Variants in FRMD6 observed in about 807,000 individuals in gnomAD.
FRMD6 encodes FERM domain-containing protein 6.
Under a neutral mutation model 73.2 loss-of-function variants are expected in FRMD6, and 37 were observed. That is an observed-to-expected ratio of 0.51 (90% CI 0.39 to 0.66). The LOEUF (loss-of-function observed/expected upper bound fraction) is 0.66, where lower values mean the gene tolerates loss of function less well. FRMD6 is among the 30% of genes least tolerant of loss of function. The probability of loss-of-function intolerance (pLI) is 0.00; values close to 1 mark genes in which losing one functional copy is unlikely to be tolerated. For missense variants in FRMD6, 714 were observed against 780.5 expected (o/e 0.91, Z 1.02); for synonymous variants, 273 against 282.2 (o/e 0.97, Z 0.33).
intron 4 of FRMD6, 49 bp downstream of exon 4, chr14:51,701,208 GT>G: frequency 8.8e-7 from 1 of 1,130,364 alleles, no homozygotes; most frequent in Non-Finnish European, 1.3e-6. Flanking sequence ...TTTAAAAAAT[GT>G]TTATTTTAGC....
chr14:51,508,073 G>A (rs554099273), intron 1 of FRMD6, among the ~76,000 whole-genome samples: 1 of 152,256 alleles, frequency 6.6e-6, no homozygotes, highest in East Asian at 1.9e-4. Flanking sequence ...CCTGCAGCCA[G>A]CTACTCCCCT....
chr14:51,511,806 C>A (rs1396021763), intron 1 of FRMD6, among the ~76,000 whole-genome samples: 1 of 151,836 alleles, frequency 6.6e-6, no homozygotes, highest in Non-Finnish European at 1.5e-5. Flanking sequence ...AGCAAACCAC[C>A]ATGGCATGTG....
At chr14:51,664,556 G>A (rs1893440481) in intron 1 of FRMD6, among the ~76,000 whole-genome samples, 1 of 152,188 alleles carries the variant, frequency 6.6e-6, no homozygotes, top group Non-Finnish European at 1.5e-5. Context: ...TGAAAACTTT[G>A]TTACATATAT....
At chr14:51,721,748 G>GGGAAGGAAGGA (rs1566598446) in intron 11 of FRMD6, among the ~76,000 whole-genome samples, 74 of 18,784 alleles carry the variant, frequency 3.9e-3, no homozygotes, top group Middle Eastern at 0.028. Flanking sequence ...GGAAGGAAGG[G>GGGAAGGAAGGA]AGGAAGGAAG....
At chr14:51,707,660 A>T (rs4420443) in intron 6 of FRMD6, among the ~76,000 whole-genome samples, 106,387 of 152,038 alleles carry the variant, frequency 0.7, 37,411 homozygotes, top group Non-Finnish European at 0.71. Flanking sequence ...TCTGTGGCTG[A>T]AATTTTCTTA....
the FRMD6 span, among the ~76,000 whole-genome samples, chr14:51,443,309 A>G: frequency 6.6e-6 from 1 of 152,204 alleles, no homozygotes; most frequent in African/African-American, 2.4e-5. Flanking sequence ...GAACTTGAAA[A>G]AGTCCAAGAT....
At chr14:51,477,726 CT>C in the FRMD6 span, among the ~76,000 whole-genome samples, 15 of 119,748 alleles carry the variant, frequency 1.3e-4, no homozygotes, top group Admixed American at 4.2e-4. Context: ...TTCTTTCTTT[CT>C]TTTCTTTTTC....
At position 51,663,068 on chromosome 14, in the gene FRMD6, T is replaced by G. The variant is rs955563946; in HGVS notation, c.-147+11072T>G. ...AAAGCAAATCAAAACCACAGCGAGA[T>G]ACCATCTCACACCAGTCAGAATGGC... On this transcript the variant is annotated intron_variant, in intron 1 of 13. Transcript: ENST00000344768. 2.0e-5 allele frequency among the ~76,000 whole-genome samples: 3 copies of G among 152,134 alleles called. No homozygotes were observed. In the East Asian group the frequency reaches 5.8e-4, roughly 29 times the overall value.
At chr14:51,583,238 A>C (rs1483585228) in intron 2 of FRMD6, among the ~76,000 whole-genome samples, 1 of 152,132 alleles carries the variant, frequency 6.6e-6, no homozygotes, top group Non-Finnish European at 1.5e-5. Flanking sequence ...TGCCGAACTA[A>C]AATGGTTTAA....
At chr14:51,564,764 T>C (rs994167240) in intron 1 of FRMD6, among the ~76,000 whole-genome samples, 6 of 152,342 alleles carry the variant, frequency 3.9e-5, no homozygotes, top group African/African-American at 1.4e-4. Context: ...TTCACTTACA[T>C]GTAGGAGCTC....
chr14:51,426,140 T>A, the FRMD6 span, among the ~76,000 whole-genome samples: 23 of 152,220 alleles, frequency 1.5e-4, no homozygotes, highest in African/African-American at 4.1e-4. Context: ...TTCCCCCTGT[T>A]GTCTCTGTCA....
intron 2 of FRMD6, chr14:51,599,679 A>C (rs1889924722): frequency 6.6e-6 from 1 of 152,108 alleles, no homozygotes; most frequent in Admixed American, 6.6e-5. Flanking sequence ...AAAAGTGGGC[A>C]AAAGACACAA....
Position 51,611,983 on chromosome 14 carries a change from A to T in FRMD6, c.-147+41573A>T, listed in dbSNP as rs979789811. Among the ~76,000 whole-genome samples, 63 of 152,348 alleles carry T rather than the reference A, an allele frequency of 4.1e-4. 1 individual carries two copies. The highest frequency in any genetic ancestry group is 3.3e-3 in the Admixed American group (50 of 15,300). ...CACAAATATGTCAAAGAAAAACTGC[A>T]TAGAGAAAACTGGGAAGAATTATAT... On this transcript the variant is annotated intron_variant, in intron 2 of 14. Coordinates refer to the FRMD6 transcript ENST00000356218.
At chr14:51,512,842 G>A (rs560739489) in intron 1 of FRMD6, among the ~76,000 whole-genome samples, 70 of 152,172 alleles carry the variant, frequency 4.6e-4, no homozygotes, top group Non-Finnish European at 9.1e-4. Context: ...AGATCTTGAC[G>A]TGGAAGGGGC....
At chr14:51,543,563 A>G (rs1306248948) in intron 1 of FRMD6, among the ~76,000 whole-genome samples, 1 of 152,000 alleles carries the variant, frequency 6.6e-6, no homozygotes, top group Non-Finnish European at 1.5e-5. Flanking sequence ...ATGCTTGATA[A>G]TATGCCAAGC....
chr14:51,602,114 T>C (rs1890063443), intron 2 of FRMD6, among the ~76,000 whole-genome samples: 1 of 152,226 alleles, frequency 6.6e-6, no homozygotes, highest in African/African-American at 2.4e-5. Flanking sequence ...TGATCCCCAC[T>C]AATCACTCTT....
At chr14:51,444,418 G>A in the FRMD6 span, among the ~76,000 whole-genome samples, 1 of 152,180 alleles carries the variant, frequency 6.6e-6, no homozygotes, top group Non-Finnish European at 1.5e-5. Context: ...GTTTGTACAG[G>A]GTTGCCATGA....
At chr14:51,574,302 A>C (rs1327086057) in intron 2 of FRMD6, among the ~76,000 whole-genome samples, 1 of 152,200 alleles carries the variant, frequency 6.6e-6, no homozygotes, top group Non-Finnish European at 1.5e-5. Context: ...ATGGTTTTCC[A>C]AGCATAGATC....
At chr14:51,453,682 C>T in the FRMD6 span, among the ~76,000 whole-genome samples, 7 of 152,256 alleles carry the variant, frequency 4.6e-5, no homozygotes, top group East Asian at 1.9e-4. Context: ...CATACATACA[C>T]GCATATGTGT....
Sources: allele counts gnomAD v4.1 joint callset (sites outside exome capture counted in the v4.1 genomes callset), GRCh38; gene constraint gnomAD v4.1.1; transcripts MANE v1.5; gene names NCBI Gene and HGNC (gene_info 2026-07-23, HGNC 2026-07-21).